The following ARHGEF18 variants were observed in gnomAD, a reference collection of about 807,000 sequenced individuals.
The protein encoded by ARHGEF18 is rho guanine nucleotide exchange factor 18.
Under a neutral mutation model 155.7 loss-of-function variants are expected in ARHGEF18, and 93 were observed. The observed-to-expected ratio is 0.60, with a 90% CI of 0.50 to 0.71. The LOEUF is 0.71. Among genes scored for constraint, ARHGEF18 ranks in the 30% least tolerant of loss-of-function variants. The pLI, the probability that ARHGEF18 is intolerant of heterozygous loss-of-function variation, is 0.00. For missense variants in ARHGEF18, 1,593 were observed against 1,816.1 expected (o/e 0.88, Z 2.23); for synonymous variants, 742 against 753.1 (o/e 0.99, Z 0.24).
Position 7,440,527 on chromosome 19 carries a change from C to A in ARHGEF18, c.1106+45C>A. Reference sequence around the variant, plus strand: ...GTGCCCTCGGGTGGGTGGTGGCATTCCCCGGGGAGCTGTTGACAGCCTCTT... The same window carrying A: ...GTGCCCTCGGGTGGGTGGTGGCATTACCCGGGGAGCTGTTGACAGCCTCTT... On this transcript the variant is annotated intron_variant, in intron 11 of 28. Coordinates refer to ENST00000668164, the MANE Select transcript of ARHGEF18 (RefSeq NM_001367823.1). The surrounding 1 kb of genome is among the most constrained non-coding windows in gnomAD (Gnocchi z 5.4). 1 of 1,554,080 alleles carries A rather than the reference C, an allele frequency of 6.4e-7. No homozygotes were observed. Among genetic ancestry groups the A allele is most frequent in the Non-Finnish European group, 8.7e-7 (1 of 1,155,342 alleles).
At chr19:7,438,165 A>G (rs972204147) in intron 10 of ARHGEF18, among the ~76,000 whole-genome samples, 19 of 145,402 alleles carry the variant, frequency 1.3e-4, no homozygotes, top group African/African-American at 4.9e-4. Context: ...CAGTGGCACA[A>G]TCATAGCTCA....
At chr19:7,431,680 G>A (rs1421606354) in intron 10 of ARHGEF18, among the ~76,000 whole-genome samples, 1 of 152,072 alleles carries the variant, frequency 6.6e-6, no homozygotes, top group African/African-American at 2.4e-5. Context: ...CGGGCGTGGC[G>A]GCGCATGCCT....
chr19:7,430,559 T>C (rs1206540006), intron 10 of ARHGEF18, among the ~76,000 whole-genome samples: 2 of 152,044 alleles, frequency 1.3e-5, no homozygotes, highest in Admixed American at 1.3e-4. Flanking sequence ...ATCGCAGCAC[T>C]TTGGGAGGCT....
downstream of ARHGEF18, among the ~76,000 whole-genome samples, chr19:7,474,027 G>T (rs1170364205): frequency 6.7e-6 from 1 of 149,772 alleles, no homozygotes; most frequent in Non-Finnish European, 1.5e-5. Context: ...ATAGAAAAAA[G>T]AAATGAAATT....
At chr19:7,387,374 G>C (rs780893778) in intron 10 of ARHGEF18, among the ~76,000 whole-genome samples, 1 of 151,870 alleles carries the variant, frequency 6.6e-6, no homozygotes, top group Non-Finnish European at 1.5e-5. Context: ...GGATAATCTC[G>C]ATCTCCTGAC....
intron 7 of ARHGEF18, among the ~76,000 whole-genome samples, chr19:7,379,801 A>G (rs1400000069): frequency 6.6e-6 from 1 of 151,784 alleles, no homozygotes; most frequent in African/African-American, 2.4e-5. Flanking sequence ...CCAAGGTGAG[A>G]GGATCATTTG....
At chr19:7,436,159 C>T (rs1200677278) in intron 10 of ARHGEF18, among the ~76,000 whole-genome samples, 4 of 151,362 alleles carry the variant, frequency 2.6e-5, no homozygotes, top group Non-Finnish European at 4.4e-5. Flanking sequence ...TTAGCATTAC[C>T]AATAGTTTAT....
chr19:7,453,348 C>A, intron 16 of ARHGEF18, 119 bp from the exon 17 acceptor site: 2 of 1,220,928 alleles, frequency 1.6e-6, no homozygotes, highest in Non-Finnish European at 2.2e-6. Context: ...AGATCCCACA[C>A]GCCCATACAT....
chr19:7,410,800 A>C (rs1443147972), intron 10 of ARHGEF18, among the ~76,000 whole-genome samples: 2 of 83,160 alleles, frequency 2.4e-5, no homozygotes, highest in South Asian at 5.4e-4. Context: ...GCAGCGTGAG[A>C]CTCCATCTCA....
At chr19:7,380,478 C>CAAA (rs60460858) in intron 7 of ARHGEF18, among the ~76,000 whole-genome samples, 3 of 112,752 alleles carry the variant, frequency 2.7e-5, no homozygotes, top group African/African-American at 6.6e-5. Context: ...GACTCCATCT[C>CAAA]AAAAAAAAAA....
intron 10 of ARHGEF18, among the ~76,000 whole-genome samples, chr19:7,439,285 C>CCCA (rs1555720508): frequency 6.7e-6 from 1 of 150,076 alleles, no homozygotes; most frequent in African/African-American, 2.5e-5. Flanking sequence ...GTGAGACCCC[C>CCCA]CCCCAACCTC....
At chr19:7,459,820 G>C in intron 19 of ARHGEF18, 83 bp from the exon 20 acceptor site, 1 of 1,147,974 alleles carries the variant, frequency 8.7e-7, no homozygotes, top group Non-Finnish European at 1.2e-6. Flanking sequence ...CGGTCGTGGC[G>C]GCTGGTTCTG....
chr19:7,459,011 A>G (rs999571791), intron 19 of ARHGEF18, among the ~76,000 whole-genome samples: 3 of 152,004 alleles, frequency 2.0e-5, no homozygotes, highest in African/African-American at 7.2e-5. Context: ...AGCACCCCTC[A>G]GGGCCCAGAA....
chr19:7,353,789 C>G (rs1303671501), intron 1 of ARHGEF18, among the ~76,000 whole-genome samples: 1 of 151,070 alleles, frequency 6.6e-6, no homozygotes, highest in Non-Finnish European at 1.5e-5. Flanking sequence ...CCTGCCTCTA[C>G]TACAAATACA....
rs750177893 is a variant in ARHGEF18 at position 7,440,310 on chromosome 19, C to T, written c.968-34C>T. On this transcript the variant is annotated intron_variant, in intron 10 of 28. Coordinates refer to ENST00000668164, the MANE Select transcript of ARHGEF18 (RefSeq NM_001367823.1). The surrounding 1 kb of genome is among the most constrained non-coding windows in gnomAD (Gnocchi z 5.4). ...GGACCTCCGCTACCCGACCCACTTT[C>T]TCAGCACCAACTCTGTCCTTGCCTC... 6.2e-7 allele frequency: 1 copy of T among 1,602,438 alleles called. No individual in the cohort carries two copies. The highest frequency in any genetic ancestry group is 1.1e-5 in the South Asian group (1 of 89,690).
chr19:7,461,233 CA>C (rs935985589), intron 20 of ARHGEF18, among the ~76,000 whole-genome samples: 5 of 151,800 alleles, frequency 3.3e-5, no homozygotes, highest in Non-Finnish European at 4.4e-5. Flanking sequence ...GACAACATGG[CA>C]AAACCCTGTC....
At chr19:7,383,608 A>C (rs1970851684) in intron 10 of ARHGEF18, among the ~76,000 whole-genome samples, 1 of 152,110 alleles carries the variant, frequency 6.6e-6, no homozygotes. Context: ...GAAATGATCC[A>C]TTCCAGGCGT....
At chr19:7,474,669 C>T (rs1008980162), downstream of ARHGEF18, among the ~76,000 whole-genome samples, 3 of 151,888 alleles carry the variant, frequency 2.0e-5, no homozygotes, top group African/African-American at 4.8e-5. Context: ...TGAGCCACCG[C>T]GCCTGGTCTA....
intron 15 of ARHGEF18, among the ~76,000 whole-genome samples, chr19:7,448,716 G>A (rs1975172208): frequency 6.6e-6 from 1 of 151,938 alleles, no homozygotes; most frequent in Non-Finnish European, 1.5e-5. Context: ...TCCCCTTGCT[G>A]GTCCATGTTC....
Sources: allele counts gnomAD v4.1 joint callset (sites outside exome capture counted in the v4.1 genomes callset), GRCh38; gene constraint gnomAD v4.1.1; non-coding constraint Gnocchi (gnomAD v3.1); transcripts MANE v1.5; gene names NCBI Gene and HGNC (gene_info 2026-07-23, HGNC 2026-07-21).